RBFOX1: variants seen among roughly 807,000 people sequenced by gnomAD.
RBFOX1 encodes the protein RNA binding protein fox-1 homolog 1.
Under a neutral mutation model 57.7 loss-of-function variants are expected in RBFOX1, and 8 were observed. The ratio of observed to expected loss-of-function variants is 0.14; its 90% CI spans 0.08 to 0.25. The LOEUF (loss-of-function observed/expected upper bound fraction) is 0.25. Ranked by LOEUF, RBFOX1 falls within the 10% of genes least tolerant of loss-of-function variation. The pLI is 1.00. For synonymous variants in RBFOX1, 326 were observed against 222.4 expected (o/e 1.47, Z -4.15); for missense variants, 611 against 548.5 (o/e 1.11, Z -1.14).
chr16:7,151,038 G>T (rs556662483), intron 4 of RBFOX1, among the ~76,000 whole-genome samples: 2 of 152,136 alleles, frequency 1.3e-5, no homozygotes, highest in East Asian at 3.9e-4. Flanking sequence ...TATTTTTGTG[G>T]TAGCACAGAA....
chr16:7,508,707 G>A (rs1020518448), intron 4 of RBFOX1, among the ~76,000 whole-genome samples: 5 of 152,052 alleles, frequency 3.3e-5, no homozygotes, highest in Non-Finnish European at 7.4e-5. Context: ...CCTCGCCCAG[G>A]GGCCACCTGA....
chr16:6,053,506 A>G (rs1477704558), intron 1 of RBFOX1, among the ~76,000 whole-genome samples: 2 of 152,344 alleles, frequency 1.3e-5, no homozygotes, highest in Non-Finnish European at 2.9e-5. Context: ...ATTTAGTTGA[A>G]TATTAGTGAG....
At chr16:6,878,064 T>C (rs2062170263) in intron 3 of RBFOX1, among the ~76,000 whole-genome samples, 1 of 151,924 alleles carries the variant, frequency 6.6e-6, no homozygotes, top group Non-Finnish European at 1.5e-5. Flanking sequence ...CACACAAGGG[T>C]AGGACAGATA....
At chr16:6,871,274 C>G (rs117916133) in intron 3 of RBFOX1, among the ~76,000 whole-genome samples, 57 of 152,300 alleles carry the variant, frequency 3.7e-4, no homozygotes, top group Admixed American at 6.5e-4. Context: ...TAACCTCCCC[C>G]TCCTGGGTTA....
intron 3 of RBFOX1, among the ~76,000 whole-genome samples, chr16:6,926,297 A>T (rs1316137962): frequency 6.6e-6 from 1 of 151,966 alleles, no homozygotes; most frequent in Non-Finnish European, 1.5e-5. Flanking sequence ...ACAGAGCAAG[A>T]CTCCATCTCA....
intron 2 of RBFOX1, among the ~76,000 whole-genome samples, chr16:5,558,634 G>C (rs1367357660): frequency 1.3e-5 from 2 of 152,152 alleles, no homozygotes; most frequent in Non-Finnish European, 2.9e-5. Context: ...ACTGAGAATA[G>C]TTTCAGTCTT....
At chr16:7,446,212 T>G (rs1319242934) in intron 4 of RBFOX1, among the ~76,000 whole-genome samples, 1 of 152,184 alleles carries the variant, frequency 6.6e-6, no homozygotes, top group Admixed American at 6.5e-5. Flanking sequence ...GTTATTAAAG[T>G]TGGCTCTTGA....
intron 3 of RBFOX1, among the ~76,000 whole-genome samples, chr16:7,048,807 A>C (rs1460326872): frequency 6.6e-6 from 1 of 152,128 alleles, no homozygotes; most frequent in Non-Finnish European, 1.5e-5. Context: ...GGGTATATTG[A>C]ATATTGTGTT....
intron 1 of RBFOX1, among the ~76,000 whole-genome samples, chr16:6,180,983 C>T (rs2097058525): frequency 6.6e-6 from 1 of 152,150 alleles, no homozygotes; most frequent in African/African-American, 2.4e-5. Flanking sequence ...AGTCTCCTGT[C>T]CTCTACTGAT....
intron 1 of RBFOX1, among the ~76,000 whole-genome samples, chr16:6,020,588 G>T (rs1454643505): frequency 6.6e-6 from 1 of 152,126 alleles, no homozygotes; most frequent in Non-Finnish European, 1.5e-5. Flanking sequence ...GGAAACCTGC[G>T]AATGGGAAAC....
chr16:6,621,386 C>T (rs950209125), intron 2 of RBFOX1, among the ~76,000 whole-genome samples: 2 of 152,196 alleles, frequency 1.3e-5, no homozygotes, highest in Non-Finnish European at 1.5e-5. Context: ...ATGGCGTGAA[C>T]CCGGGAGGCG....
intron 2 of RBFOX1, among the ~76,000 whole-genome samples, chr16:5,468,118 G>T (rs1000208098): frequency 3.9e-5 from 6 of 152,194 alleles, no homozygotes; most frequent in African/African-American, 1.4e-4. Flanking sequence ...CCCTTCCCCA[G>T]GTTCCTACTG....
At chr16:6,914,578 A>G (rs1268345077) in intron 3 of RBFOX1, among the ~76,000 whole-genome samples, 1 of 151,866 alleles carries the variant, frequency 6.6e-6, no homozygotes, top group Non-Finnish European at 1.5e-5. Flanking sequence ...AAAAAAACCC[A>G]AAACAGGGAT....
At chr16:6,403,272 C>T (rs1264501936) in intron 2 of RBFOX1, among the ~76,000 whole-genome samples, 1 of 152,202 alleles carries the variant, frequency 6.6e-6, no homozygotes, top group Non-Finnish European at 1.5e-5. Flanking sequence ...GGTCAGTTTA[C>T]TCCAGCTGTC....
At chr16:5,867,049 C>G (rs1461366096) in intron 3 of RBFOX1, among the ~76,000 whole-genome samples, 4 of 152,016 alleles carry the variant, frequency 2.6e-5, no homozygotes, top group Non-Finnish European at 5.9e-5. Context: ...TTTTTCTTGA[C>G]AAGATTGTTA....
chr16:5,815,043 G>T (rs2055578918), intron 3 of RBFOX1, among the ~76,000 whole-genome samples: 1 of 151,742 alleles, frequency 6.6e-6, no homozygotes, highest in African/African-American at 2.4e-5. Flanking sequence ...AAGTGCAGTG[G>T]CATGATTCTA....
chr16:7,236,241 A>C (rs1347374444), intron 4 of RBFOX1, among the ~76,000 whole-genome samples: 2 of 152,210 alleles, frequency 1.3e-5, no homozygotes, highest in African/African-American at 4.8e-5. Context: ...TGTAAAGGGA[A>C]GCCCAAGTGC....
Position 7,343,924 on chromosome 16 carries a change from A to G in RBFOX1, c.28-174223A>G, listed in dbSNP as rs532803567. ...GCACCTGGCACATAGAAAGTCCTCA[A>G]TAAATGTATTTACAAGTTTATTTCC... On this transcript the variant is annotated intron_variant, in intron 4 of 15. Coordinates refer to ENST00000550418, the MANE Select transcript of RBFOX1 (RefSeq NM_018723.4). Among the ~76,000 whole-genome samples, 11 of 152,264 alleles carry G rather than the reference A, an allele frequency of 7.2e-5. No individual in the cohort carries two copies. The East Asian group carries it at 7.7e-4, about 11-fold the overall frequency.
intron 4 of RBFOX1, among the ~76,000 whole-genome samples, chr16:7,425,005 G>T (rs4458014): frequency 0.68 from 104,056 of 152,008 alleles, 37,594 homozygotes; most frequent in African/African-American, 0.91. Context: ...AATACAAGTT[G>T]GCATTATTAT....
Sources: gnomAD v4.1 joint callset for allele counts (sites outside exome capture counted in the v4.1 genomes callset) on GRCh38, gnomAD v4.1.1 for gene constraint, MANE v1.5 for transcripts, NCBI Gene and HGNC (gene_info 2026-07-23, HGNC 2026-07-21) for gene names.